Variants in MAF observed in about 807,000 individuals in gnomAD.
The protein encoded by MAF is transcription factor Maf.
A neutral mutation model predicts 22.0 loss-of-function variants in MAF; 10 were observed. That is an observed-to-expected ratio of 0.45 (90% CI 0.28 to 0.77). MAF has a LOEUF of 0.77. MAF is among the 30% of genes least tolerant of loss of function. MAF has a pLI of 0.12. For missense variants in MAF, 544 were observed against 548.4 expected (o/e 0.99, Z 0.08); for synonymous variants, 337 against 255.8 (o/e 1.32, Z -3.03).
At chr16:79,416,871 T>C in the MAF span, among the ~76,000 whole-genome samples, 2 of 152,354 alleles carry the variant, frequency 1.3e-5, no homozygotes, top group Middle Eastern at 3.4e-3. Context: ...TATATAGTTT[T>C]AGGAAGATGG....
chr16:79,264,394 G>C, the MAF span: 1 of 152,134 alleles, frequency 6.6e-6, no homozygotes, highest in Non-Finnish European at 1.5e-5. Flanking sequence ...TTAATCAATG[G>C]CCAAGTCATC....
chr16:79,309,521 T>C, the MAF span, among the ~76,000 whole-genome samples: 15 of 152,362 alleles, frequency 9.8e-5, no homozygotes, highest in African/African-American at 3.4e-4. Context: ...TTTGGTGCAT[T>C]GCCTTGCATT....
At chr16:79,226,124 C>G in the MAF span, among the ~76,000 whole-genome samples, 2 of 152,134 alleles carry the variant, frequency 1.3e-5, no homozygotes, top group African/African-American at 4.8e-5. Flanking sequence ...GACTTGGAAC[C>G]AACCCAAATG....
chr16:79,508,988 C>T, the MAF span, among the ~76,000 whole-genome samples: 2 of 152,152 alleles, frequency 1.3e-5, no homozygotes. Flanking sequence ...AAATTGTATA[C>T]TTTAAACCAG....
the MAF span, among the ~76,000 whole-genome samples, chr16:79,579,140 G>C: frequency 6.6e-6 from 1 of 152,148 alleles, no homozygotes; most frequent in Non-Finnish European, 1.5e-5. Flanking sequence ...ATAGCTTACA[G>C]ACAGAGAATT....
chr16:79,463,542 T>C, the MAF span, among the ~76,000 whole-genome samples: 2 of 152,178 alleles, frequency 1.3e-5, no homozygotes, highest in African/African-American at 4.8e-5. Context: ...GCACTAGTCC[T>C]GAGTATATTT....
chr16:79,424,627 G>A, the MAF span, among the ~76,000 whole-genome samples: 1 of 152,148 alleles, frequency 6.6e-6, no homozygotes, highest in Admixed American at 6.5e-5. Flanking sequence ...CTGGGACCTG[G>A]GCACTGTGTT....
the MAF span, among the ~76,000 whole-genome samples, chr16:79,341,708 G>C: frequency 2.0e-5 from 3 of 152,178 alleles, no homozygotes; most frequent in South Asian, 6.2e-4. Context: ...TCTGGCTTTG[G>C]TGCACAGAGT....
At chr16:79,529,501 A>C in the MAF span, among the ~76,000 whole-genome samples, 2 of 152,192 alleles carry the variant, frequency 1.3e-5, no homozygotes, top group African/African-American at 4.8e-5. Flanking sequence ...AAATATTTTT[A>C]ATAGGGGCAC....
At chr16:79,495,395 C>A in the MAF span, among the ~76,000 whole-genome samples, 1 of 152,118 alleles carries the variant, frequency 6.6e-6, no homozygotes, top group Non-Finnish European at 1.5e-5. Context: ...CCCAGGAGGT[C>A]AAGGTTGCAG....
At chr16:79,262,514 T>C in the MAF span, among the ~76,000 whole-genome samples, 4 of 152,158 alleles carry the variant, frequency 2.6e-5, no homozygotes, top group Non-Finnish European at 5.9e-5. Flanking sequence ...CTTATCTGTT[T>C]ATGCAACCCA....
the MAF span, among the ~76,000 whole-genome samples, chr16:79,345,808 A>G: frequency 8.0e-5 from 12 of 149,872 alleles, no homozygotes; most frequent in Non-Finnish European, 1.6e-4. Flanking sequence ...AGTGTATATC[A>G]TATTTTAGTT....
chr16:79,539,825 C>G, the MAF span, among the ~76,000 whole-genome samples: 1 of 152,198 alleles, frequency 6.6e-6, no homozygotes, highest in African/African-American at 2.4e-5. Context: ...TCATGTCAGA[C>G]ACTCTGAGGC....
the MAF span, among the ~76,000 whole-genome samples, chr16:79,423,651 T>A: frequency 6.6e-6 from 1 of 152,352 alleles, no homozygotes; most frequent in African/African-American, 2.4e-5. Context: ...AGAGATAGCA[T>A]GTCCCACAAA....
the MAF span, among the ~76,000 whole-genome samples, chr16:79,218,341 A>C: frequency 6.6e-6 from 1 of 151,708 alleles, no homozygotes; most frequent in Non-Finnish European, 1.5e-5. Flanking sequence ...CCATTCCCCT[A>C]CTGTGGGACA....
the MAF span, among the ~76,000 whole-genome samples, chr16:79,453,244 T>G: frequency 1.3e-5 from 2 of 152,180 alleles, no homozygotes; most frequent in South Asian, 4.1e-4. Flanking sequence ...AATGGTGTCC[T>G]TAGGGACCAA....
At chr16:79,439,163 C>T in the MAF span, among the ~76,000 whole-genome samples, 1 of 152,000 alleles carries the variant, frequency 6.6e-6, no homozygotes, top group Non-Finnish European at 1.5e-5. Context: ...CATTTACGTA[C>T]CAAGAATAAG....
At chr16:79,268,122 C>T in the MAF span, among the ~76,000 whole-genome samples, 2 of 152,092 alleles carry the variant, frequency 1.3e-5, no homozygotes, top group Non-Finnish European at 2.9e-5. Flanking sequence ...AACAACATGG[C>T]CCCCAGAGTG....
the MAF span, among the ~76,000 whole-genome samples, chr16:79,338,291 T>C: frequency 6.6e-5 from 10 of 152,212 alleles, no homozygotes; most frequent in Non-Finnish European, 1.5e-4. Flanking sequence ...ATTTAGGGGC[T>C]AAATCACAGA....
Sources: allele counts gnomAD v4.1 joint callset (sites outside exome capture counted in the v4.1 genomes callset), GRCh38; gene constraint gnomAD v4.1.1; transcripts MANE v1.5; gene names NCBI Gene and HGNC (gene_info 2026-07-23, HGNC 2026-07-21).